The following D2HGDH variants were observed in gnomAD, a reference collection of about 807,000 sequenced individuals.
The protein encoded by D2HGDH is D-2-hydroxyglutarate dehydrogenase.
D2HGDH carries 31 observed loss-of-function variants against 46.9 expected under a neutral mutation model. That is an observed-to-expected ratio of 0.66 (90% confidence interval 0.50 to 0.89). The LOEUF is 0.89. Among genes scored for constraint, D2HGDH ranks in the 40% least tolerant of loss-of-function variants. The pLI is 0.00. For synonymous variants in D2HGDH, 364 were observed against 332.6 expected, an observed-to-expected ratio of 1.09 and a Z score of -1.03; for missense variants, 698 against 720.8, an observed-to-expected ratio of 0.97 and a Z score of 0.36.
At chr2:241,760,712 T>C (rs989184116) in intron 9 of D2HGDH, among the ~76,000 whole-genome samples, 11 of 152,254 alleles carry the variant, frequency 7.2e-5, no homozygotes, top group African/African-American at 2.7e-4. Context: ...ACCCAATCAG[T>C]CGAAGGCCAC....
rs769939310 is a variant in D2HGDH, at chr2:241,742,510, C to G, written c.426C>G (p.Val142=). The change falls in exon 4 of 10, where the codon GTC becomes GTG. Residue 142 remains valine (V), a synonymous_variant. Coordinates refer to ENST00000321264, the MANE Select transcript of D2HGDH (RefSeq NM_152783.5). This position sits in a 1 kb window ranked among gnomAD's most constrained non-coding sequence, Gnocchi z 4.8. The part of the protein sequence containing the change: ...NTGMVGGSVP[V]FDEIILSTAR... ...GCATGGTGGGTGGCAGCGTCCCCGT[C>G]TTTGACGAGATCATCCTCTCCACTG... 6.2e-7 allele frequency: 1 copy of G among 1,613,984 alleles called. No homozygotes were observed. Among genetic ancestry groups the G allele is most frequent in the Non-Finnish European group, 8.5e-7 (1 of 1,180,014 alleles).
At position 241,767,754 on chromosome 2, in the gene D2HGDH, C is replaced by T. The variant is rs527825722; in HGVS notation, c.1351C>T (p.Pro451Ser). Residue 451 changes from proline to serine, a missense_variant, in exon 10 of 10, where the codon CCC becomes TCC. By Grantham distance (74) the Pro-to-Ser change is moderately conservative. Coordinates refer to ENST00000321264, the MANE Select transcript of D2HGDH (RefSeq NM_152783.5). ...HLNVTAEAFS[P>S]SLLAALEPHV... ...CAATGTGACGGCGGAGGCCTTCAGCCCCTCGCTCCTGGCTGCCCTGGAGCC... is the reference window on the plus strand; with the variant it reads ...CAATGTGACGGCGGAGGCCTTCAGCTCCTCGCTCCTGGCTGCCCTGGAGCC... 3.7e-6 allele frequency: 6 copies of T among 1,612,770 alleles called. No individual in the cohort carries two copies. In the East Asian group the frequency reaches 1.3e-4, roughly 36 times the overall value.
chr2:241,740,410 C>A (rs1366650495), intron 2 of D2HGDH, among the ~76,000 whole-genome samples: 2 of 152,342 alleles, frequency 1.3e-5, no homozygotes, highest in Non-Finnish European at 2.9e-5. Flanking sequence ...AGTGGGTGGG[C>A]AACCTTGGAG....
In D2HGDH at chr2:241,742,626, A is replaced by C; in HGVS notation, c.490+52A>C. ...CAGGAGTCCCTCCTGGTGCTGGTGGAGTTCTTCCTTGCCAGCGTCTGCAAC... is the reference window on the plus strand; with the variant it reads ...CAGGAGTCCCTCCTGGTGCTGGTGGCGTTCTTCCTTGCCAGCGTCTGCAAC... On this transcript the variant is annotated intron_variant, in intron 4 of 9. Coordinates refer to ENST00000321264, the MANE Select transcript of D2HGDH (RefSeq NM_152783.5). This position sits in a 1 kb window ranked among gnomAD's most constrained non-coding sequence, Gnocchi z 4.8. 6.2e-7 allele frequency: 1 copy of C among 1,609,260 alleles called. No homozygotes were observed. Among genetic ancestry groups the C allele is most frequent in the Non-Finnish European group, 8.5e-7 (1 of 1,176,038 alleles).
chr2:241,734,811 G>C (rs1205390292), intron 1 of D2HGDH, 116 bp downstream of exon 1: 2 of 172,470 alleles, frequency 1.2e-5, no homozygotes, highest in Non-Finnish European at 2.4e-5. Flanking sequence ...GTGCCTGTGG[G>C]GGGAGGGGGA....
intron 6 of D2HGDH, among the ~76,000 whole-genome samples, chr2:241,748,118 C>T (rs958185275): frequency 5.3e-5 from 5 of 95,136 alleles, no homozygotes; most frequent in African/African-American, 1.3e-4. Flanking sequence ...TGCTCTTCAG[C>T]GTTTTTTTGT....
rs753825335 is a variant in D2HGDH, at chr2:241,755,837, C to T, written c.1141-12C>T. 52 of 1,611,420 alleles carry T rather than the reference C, an allele frequency of 3.2e-5. No individual in the cohort carries two copies. The highest frequency in any genetic ancestry group is 4.4e-5 in the Non-Finnish European group (52 of 1,178,440). ...ATAGCCAGCCCTTGTCTCATCTCGT[C>T]TCATCCTCTAGATGCTGTGGGCCCT... On this transcript the variant is annotated splice_polypyrimidine_tract_variant and intron_variant, in intron 8 of 9. Transcript: ENST00000321264.
intron 6 of D2HGDH, 167 bp from the exon 7 acceptor site, chr2:241,749,984 G>A (rs1696850806): frequency 2.1e-6 from 2 of 966,848 alleles, no homozygotes; most frequent in Non-Finnish European, 1.6e-6. Context: ...GCGTGCACCT[G>A]CCAGGCAAAC....
chr2:241,762,831 GTC>G (rs774834182), intron 9 of D2HGDH, among the ~76,000 whole-genome samples: 11 of 152,148 alleles, frequency 7.2e-5, no homozygotes, highest in Non-Finnish European at 7.3e-5. Context: ...TTATATTTTT[GTC>G]TCTTATTTCT....
intron 2 of D2HGDH, among the ~76,000 whole-genome samples, chr2:241,740,534 T>A (rs1694156368): frequency 6.6e-6 from 1 of 152,224 alleles, no homozygotes. Context: ...GTTTTGGTTT[T>A]TTTGAGATGG....
intron 8 of D2HGDH, among the ~76,000 whole-genome samples, chr2:241,751,876 C>T (rs1697265541): frequency 6.6e-6 from 1 of 152,208 alleles, no homozygotes; most frequent in South Asian, 2.1e-4. Context: ...GAAGGAGGGG[C>T]AAGGCCTGGG....
At chr2:241,752,948 G>A (rs181308822) in intron 8 of D2HGDH, among the ~76,000 whole-genome samples, 14 of 148,284 alleles carry the variant, frequency 9.4e-5, no homozygotes, top group Non-Finnish European at 1.8e-4. Flanking sequence ...CCCCCAGGGC[G>A]GACTGTCCCC....
chr2:241,750,379 T>TGCCC lies in D2HGDH; in HGVS notation c.997+86_997+87insCCCG. On this transcript the variant is annotated intron_variant, in intron 7 of 9. Transcript: ENST00000321264. The stretch of plus-strand genomic sequence containing the variant: ...CATGGGACGGCTCAGAGACCCCGGG[T>TGCCC]GGGCGGGGGGTGCCCGGGCGGGCGG... 4.6e-5 allele frequency: 14 copies of TGCCC among 301,960 alleles called. No individual in the cohort carries two copies. The African/African-American group carries it at 5.5e-4, about 12-fold the overall frequency. The allele number at this position is 301,960 out of a possible 1,614,324, so 18.7% of individuals were successfully genotyped here.
chr2:241,759,584 C>G (rs1478445939), intron 9 of D2HGDH, among the ~76,000 whole-genome samples: 1 of 152,190 alleles, frequency 6.6e-6, no homozygotes, highest in South Asian at 2.1e-4. Flanking sequence ...GGACAGGTTT[C>G]TTGCGTACTT....
At chr2:241,765,277 G>C (rs1379439294) in intron 9 of D2HGDH, among the ~76,000 whole-genome samples, 1 of 151,800 alleles carries the variant, frequency 6.6e-6, no homozygotes, top group African/African-American at 2.4e-5. Context: ...GGAGCCCCGG[G>C]CTGAGGGAGT....
At chr2:241,751,466 A>G (rs2125140874) in intron 8 of D2HGDH, 78 bp downstream of exon 8, 3 of 1,583,188 alleles carry the variant, frequency 1.9e-6, no homozygotes, top group Non-Finnish European at 2.6e-6. Context: ...TGGAACGGTC[A>G]TTGGTGCAGC....
chr2:241,746,004 A>G (rs1695774388), intron 6 of D2HGDH, among the ~76,000 whole-genome samples: 1 of 152,082 alleles, frequency 6.6e-6, no homozygotes, highest in Non-Finnish European at 1.5e-5. Context: ...CTGATCTTCT[A>G]AAGTTTTCAG....
intron 6 of D2HGDH, among the ~76,000 whole-genome samples, chr2:241,748,120 T>TG (rs1696359017): frequency 8.2e-6 from 1 of 122,266 alleles, no homozygotes; most frequent in Admixed American, 8.3e-5. Flanking sequence ...CTCTTCAGCG[T>TG]TTTTTTGTTT....
rs766837008 is a variant in D2HGDH, at chr2:241,735,352, C to T, written c.128C>T (p.Pro43Leu). The T allele has an allele frequency of 5.6e-5, 88 of 1,560,150 alleles. No homozygotes were observed. The highest frequency in any genetic ancestry group is 7.3e-5 in the Non-Finnish European group (85 of 1,157,004). ...RRGCCSAPGTPEVPLTRERYP... is the reference protein window; with the variant it reads ...RRGCCSAPGTLEVPLTRERYP... ...GGCTGCTGCTCCGCCCCGGGGACCC[C>T]CGAGGTGCCGCTGACCCGGGAGCGC... Residue 43 changes from proline (P) to leucine (L), a missense_variant, in exon 2 of 10, where the codon CCC (proline) becomes CTC (leucine). By Grantham distance (98) the Pro-to-Leu change is moderately conservative. Transcript: ENST00000321264.
Sources: gnomAD v4.1 joint callset for allele counts (sites outside exome capture counted in the v4.1 genomes callset) on GRCh38, gnomAD v4.1.1 for gene constraint, Gnocchi (gnomAD v3.1) non-coding constraint, MANE v1.5 for transcripts, NCBI Gene and HGNC (gene_info 2026-07-23, HGNC 2026-07-21) for gene names.